The following ACOXL variants were observed in gnomAD, a reference collection of about 807,000 sequenced individuals.
ACOXL encodes the protein acyl-coenzyme A oxidase-like protein.
In ACOXL, 70 loss-of-function variants were observed where a neutral mutation model predicts 71.9. That is an observed-to-expected ratio of 0.97 (90% CI 0.80 to 1.19). The LOEUF (loss-of-function observed/expected upper bound fraction) is 1.19. Ranked by LOEUF, ACOXL falls within the 50% of genes most tolerant of loss-of-function variation. ACOXL has a pLI of 0.00. For synonymous variants in ACOXL, 253 were observed against 281.6 expected (o/e 0.90, Z 1.02); for missense variants, 703 against 736.3 (o/e 0.95, Z 0.52).
At chr2:110,753,334 C>A (rs779722603) in intron 1 of ACOXL, among the ~76,000 whole-genome samples, 1 of 152,104 alleles carries the variant, frequency 6.6e-6, no homozygotes, top group Non-Finnish European at 1.5e-5. Flanking sequence ...TTATAAATTA[C>A]CCAGTCTCAG....
chr2:110,786,129 C>T (rs561024379), intron 3 of ACOXL, among the ~76,000 whole-genome samples: 2 of 152,330 alleles, frequency 1.3e-5, no homozygotes, highest in East Asian at 1.9e-4. Context: ...TCCTTTCCCT[C>T]CCTGGACACC....
At chr2:110,765,711 C>T (rs1680964849) in intron 1 of ACOXL, among the ~76,000 whole-genome samples, 1 of 152,138 alleles carries the variant, frequency 6.6e-6, no homozygotes, top group Non-Finnish European at 1.5e-5. Context: ...AGGAGCAAGG[C>T]AGGTCTCTGG....
At chr2:111,031,806 A>G in intron 15 of ACOXL, 92 bp downstream of exon 15, 1 of 1,275,936 alleles carries the variant, frequency 7.8e-7, no homozygotes, top group South Asian at 1.2e-5. Flanking sequence ...GGACAGTCCC[A>G]ACACACAGGG....
chr2:110,891,064 T>G (rs1477591279), intron 10 of ACOXL, among the ~76,000 whole-genome samples: 4 of 143,058 alleles, frequency 2.8e-5, no homozygotes, highest in Non-Finnish European at 6.3e-5. Flanking sequence ...TTTTTAATTT[T>G]TGGATTGTTC....
rs764321652 is a variant in ACOXL at position 111,096,741 on chromosome 2, G to GAGAA, written c.1542+3777_1542+3780dup. ...TTATTGTGTGTTGGTCATTTGTTTT[G>GAGAA]AGAAATAATGTGTAAGATGTACATG... On this transcript the variant is annotated intron_variant, in intron 17 of 17. Coordinates refer to ENST00000439055, the MANE Select transcript of ACOXL (RefSeq NM_001142807.4). 2.1e-4 allele frequency among the ~76,000 whole-genome samples: 32 copies of GAGAA among 152,130 alleles called. No individual in the cohort carries two copies. The East Asian group carries it at 3.9e-3, about 18-fold the overall frequency.
At chr2:110,760,101 C>T (rs1361231543) in intron 1 of ACOXL, among the ~76,000 whole-genome samples, 3 of 150,294 alleles carry the variant, frequency 2.0e-5, no homozygotes, top group African/African-American at 7.3e-5. Flanking sequence ...TTGGGGGCTT[C>T]CAGGTGTACA....
At chr2:110,965,587 A>G (rs2061888664) in intron 12 of ACOXL, among the ~76,000 whole-genome samples, 1 of 152,100 alleles carries the variant, frequency 6.6e-6, no homozygotes, top group Non-Finnish European at 1.5e-5. Flanking sequence ...GTGATGGGAA[A>G]TTTTTCGCTG....
intron 9 of ACOXL, among the ~76,000 whole-genome samples, chr2:110,828,892 A>C (rs1255734472): frequency 2.6e-5 from 4 of 151,824 alleles, no homozygotes; most frequent in Middle Eastern, 3.4e-3. Context: ...GCTCACCACA[A>C]CCTCTGCTTT....
rs139381843 is a variant in ACOXL, at chr2:110,864,007, A to G, written c.788+22602A>G. ...CTCTTCTGCTTCTTCTTCACTAGTG[A>G]GGACAAGCTAAAGCCACTCAGATCC... is the stretch of plus-strand genomic sequence containing the variant. On this transcript the variant is annotated intron_variant, in intron 10 of 17. Coordinates refer to ENST00000439055, the MANE Select transcript of ACOXL (RefSeq NM_001142807.4). 1.6e-4 allele frequency among the ~76,000 whole-genome samples: 25 copies of G among 152,210 alleles called. No homozygotes were observed. In the East Asian group the frequency reaches 3.9e-3, roughly 24 times the overall value.
At chr2:110,827,936 T>A (rs1689354150) in intron 9 of ACOXL, among the ~76,000 whole-genome samples, 1 of 152,236 alleles carries the variant, frequency 6.6e-6, no homozygotes, top group Non-Finnish European at 1.5e-5. Context: ...AACAAAATAT[T>A]GAGTTAAAAG....
intron 2 of ACOXL, among the ~76,000 whole-genome samples, chr2:110,778,890 T>C (rs1044714550): frequency 6.6e-6 from 1 of 152,192 alleles, no homozygotes; most frequent in Non-Finnish European, 1.5e-5. Flanking sequence ...GAATGTAGAA[T>C]GCTGCATAAA....
chr2:110,778,365 C>T (rs1385502194), intron 2 of ACOXL, among the ~76,000 whole-genome samples: 3 of 152,224 alleles, frequency 2.0e-5, no homozygotes, highest in Non-Finnish European at 2.9e-5. Context: ...GACACATACA[C>T]AATTGCAAAA....
chr2:110,741,905 C>T (rs904632464), intron 1 of ACOXL, among the ~76,000 whole-genome samples: 2 of 152,192 alleles, frequency 1.3e-5, no homozygotes, highest in South Asian at 2.1e-4. Context: ...GTGTCTGCCT[C>T]CAGCGGTGAG....
At chr2:110,834,479 AGAGAGGAACTACCT>A (rs1252180105) in intron 9 of ACOXL, among the ~76,000 whole-genome samples, 1 of 152,254 alleles carries the variant, frequency 6.6e-6, no homozygotes, top group Non-Finnish European at 1.5e-5. Flanking sequence ...TGTAAACAGC[AGAGAGGAACTACCT>A]GGAGTGAATT....
rs566302681 is a variant in ACOXL, at chr2:110,790,347, G to A, written c.160-3303G>A. On this transcript the variant is annotated intron_variant, in intron 3 of 17. Coordinates refer to ENST00000439055, the MANE Select transcript of ACOXL (RefSeq NM_001142807.4). ...TTAGAAGCTAAGAAGCCCTGCCATA[G>A]CCCCATCCTTTGGTCCCTGTGACCT... is the stretch of plus-strand genomic sequence containing the variant. 2.0e-5 allele frequency among the ~76,000 whole-genome samples: 3 copies of A among 152,234 alleles called. No individual in the cohort carries two copies. The East Asian group carries it at 5.8e-4, about 29-fold the overall frequency.
intron 1 of ACOXL, among the ~76,000 whole-genome samples, chr2:110,747,723 A>C (rs1353200111): frequency 6.6e-6 from 1 of 152,186 alleles, no homozygotes; most frequent in African/African-American, 2.4e-5. Flanking sequence ...CAAAACCGAC[A>C]TACCTTTACC....
At chr2:110,921,895 A>G (rs1373701619) in intron 11 of ACOXL, among the ~76,000 whole-genome samples, 1 of 152,232 alleles carries the variant, frequency 6.6e-6, no homozygotes, top group Non-Finnish European at 1.5e-5. Context: ...CGAATTATTT[A>G]TAACTGCTGT....
rs186048088 is a variant in ACOXL, at chr2:110,874,506, T to C, written c.788+33101T>C. 3.6e-3 allele frequency among the ~76,000 whole-genome samples: 543 copies of C among 152,260 alleles called. 10 individuals are homozygous for C. The highest frequency in any genetic ancestry group is 0.012 in the African/African-American group (515 of 41,536). ...GGAGTTGAGAGGCCCCAAGAGCCCC[T>C]CTGCCATTCAGCCTGACCTTGAGCA... is the stretch of plus-strand genomic sequence containing the variant. On this transcript the variant is annotated intron_variant, in intron 10 of 17. Transcript: ENST00000439055.
chr2:110,751,058 G>C (rs906805344), intron 1 of ACOXL, among the ~76,000 whole-genome samples: 1 of 151,864 alleles, frequency 6.6e-6, no homozygotes, highest in Admixed American at 6.6e-5. Context: ...CAGCACTTTG[G>C]GAGGCCGAGG....
Sources: allele counts gnomAD v4.1 joint callset (sites outside exome capture counted in the v4.1 genomes callset), GRCh38; gene constraint gnomAD v4.1.1; transcripts MANE v1.5; gene names NCBI Gene and HGNC (gene_info 2026-07-23, HGNC 2026-07-21).